LMBR1L: variants seen among roughly 807,000 people sequenced by gnomAD.
LMBR1L encodes protein LMBR1L.
Under a neutral mutation model 67.3 loss-of-function variants are expected in LMBR1L, and 47 were observed. The ratio of observed to expected loss-of-function variants is 0.70; its 90% CI spans 0.55 to 0.89. The LOEUF (loss-of-function observed/expected upper bound fraction) is 0.89, where lower values mean the gene tolerates loss of function less well. Ranked by LOEUF, LMBR1L falls within the 40% of genes least tolerant of loss-of-function variation. The pLI is 0.00. For missense variants in LMBR1L, 533 were observed against 599.2 expected, an observed-to-expected ratio of 0.89 and a Z score of 1.15; for synonymous variants, 247 against 250.3, an observed-to-expected ratio of 0.99 and a Z score of 0.13.
chr12:49,106,916 C>A, intron 2 of LMBR1L, 45 bp downstream of exon 2: 2 of 1,438,126 alleles, frequency 1.4e-6, no homozygotes, highest in South Asian at 2.3e-5. Flanking sequence ...TGAGGCTGGT[C>A]CATGGCAACA....
At position 49,103,817 on chromosome 12, in the gene LMBR1L, C is replaced by A. The variant is rs780473852; in HGVS notation, c.436-4G>T. On this transcript the variant is annotated splice_polypyrimidine_tract_variant and splice_region_variant and intron_variant, in intron 5 of 16. Transcript: ENST00000267102. ...CATAGACCCGGCCCAGGACACCCTA[C>A]GGGAGGAGGCAACCAGTGAAGAAGG... The A allele has an allele frequency of 1.9e-6, 3 of 1,606,068 alleles. No homozygotes were observed. Among genetic ancestry groups the A allele is most frequent in the East Asian group, 2.2e-5 (1 of 44,754 alleles).
At position 49,109,905 on chromosome 12, in the gene LMBR1L, C is replaced by A. The variant is rs11168861; in HGVS notation, c.72+579G>T. 1.1e-3 allele frequency: 454 copies of A among 403,184 alleles called. 1 individual carries two copies. The highest frequency in any genetic ancestry group is 8.5e-3 in the African/African-American group (410 of 48,006). 25.0% of individuals were successfully genotyped at this position (403,184 alleles called of 1,614,324 possible). A position where few individuals can be genotyped will look rare whatever the true frequency, so the allele number is the denominator to read the frequency against. ...GCCTTGCAGGGTTTCAAACAAACAC[C>A]AATGAGAAAGAAAAAAGACGGGGGA... On this transcript the variant is annotated intron_variant, in intron 1 of 16. Coordinates refer to ENST00000267102, the MANE Select transcript of LMBR1L (RefSeq NM_018113.4).
chr12:49,102,404 T>TC, intron 9 of LMBR1L, 28 bp from the exon 10 acceptor site: 1 of 1,613,862 alleles, frequency 6.2e-7, no homozygotes, highest in Non-Finnish European at 8.5e-7. Flanking sequence ...GGTGTTGCTC[T>TC]CAAGTCCTGC....
chr12:49,100,793 T>C, intron 13 of LMBR1L, 147 bp from the exon 14 acceptor site: 1 of 657,310 alleles, frequency 1.5e-6, no homozygotes, highest in Non-Finnish European at 2.6e-6. Context: ...AGTGGTGCGA[T>C]TTCAGCTCAC....
intron 5 of LMBR1L, chr12:49,104,120 A>G: frequency 2.1e-6 from 1 of 477,726 alleles, no homozygotes; most frequent in East Asian, 3.6e-5. Flanking sequence ...ATCCAACAGG[A>G]GAATGGAAGG....
intron 2 of LMBR1L, 131 bp downstream of exon 2, chr12:49,106,830 T>G: frequency 1.1e-6 from 1 of 899,736 alleles, no homozygotes. Context: ...AAAGGGAGGC[T>G]GAAGAGGCAA....
chr12:49,110,281 C>T, intron 1 of LMBR1L: 3 of 605,424 alleles, frequency 5.0e-6, no homozygotes, highest in Non-Finnish European at 8.8e-6. Flanking sequence ...AAACGACGGC[C>T]TTTGTTTATC....
At chr12:49,105,448 C>T (rs531927106) in intron 3 of LMBR1L, among the ~76,000 whole-genome samples, 1 of 152,282 alleles carries the variant, frequency 6.6e-6, no homozygotes, top group African/African-American at 2.4e-5. Flanking sequence ...GGAGGGCTGC[C>T]TTCTGATCTA....
At chr12:49,099,619 T>G (rs373200723) in intron 15 of LMBR1L, among the ~76,000 whole-genome samples, 1 of 151,770 alleles carries the variant, frequency 6.6e-6, no homozygotes, top group Non-Finnish European at 1.5e-5. Flanking sequence ...TTCGCTCTTG[T>G]TGCCCAGGCT....
At chr12:49,105,035 T>C (rs1940723683) in intron 3 of LMBR1L, 150 bp from the exon 4 acceptor site, 1 of 828,102 alleles carries the variant, frequency 1.2e-6, no homozygotes. Context: ...GCTGGGGTTC[T>C]ACCCACTGCC....
rs1940395491 is a variant in LMBR1L at position 49,102,927 on chromosome 12, C to A, written c.656G>T (p.Arg219Leu). Residue 219 changes from arginine to leucine, a missense_variant, in exon 8 of 17, where the codon CGC becomes CTC. Coordinates refer to ENST00000267102, the MANE Select transcript of LMBR1L (RefSeq NM_018113.4). ...CAGCTTCCCAGTGACGGAGAACATGCGGGCGAGACCCAGTGGAGTACACAC... is the reference window on the plus strand; with the variant it reads ...CAGCTTCCCAGTGACGGAGAACATGAGGGCGAGACCCAGTGGAGTACACAC... ...LLVCTPLGLARMFSVTGKLLV... is the reference protein window; with the variant it reads ...LLVCTPLGLALMFSVTGKLLV... 3 of 1,613,976 alleles carry A rather than the reference C, an allele frequency of 1.9e-6. No homozygotes were observed. The highest frequency in any genetic ancestry group is 8.5e-7 in the Non-Finnish European group (1 of 1,179,996).
intron 3 of LMBR1L, chr12:49,105,198 GGTA>G (rs1940740527): frequency 3.0e-6 from 1 of 331,096 alleles, no homozygotes; most frequent in African/African-American, 2.1e-5. Flanking sequence ...AGTTATGCCA[GGTA>G]TGATGCCAAA....
At chr12:49,106,728 C>A in intron 2 of LMBR1L, 1 of 909,226 alleles carries the variant, frequency 1.1e-6, no homozygotes, top group Non-Finnish European at 1.7e-6. Flanking sequence ...CATTGTTACG[C>A]CCATTTTGTA....
Position 49,098,074 on chromosome 12 carries a change from A to G in LMBR1L, c.1272T>C (p.Phe424=), listed in dbSNP as rs202145301. 1.3e-5 allele frequency: 21 copies of G among 1,614,120 alleles called. No homozygotes were observed. In the East Asian group the frequency reaches 1.6e-4, roughly 12 times the overall value. The change falls in exon 16 of 17, where the codon TTT becomes TTC. Residue 424 remains phenylalanine, a synonymous_variant. Transcript: ENST00000267102. ...GLTRFDLLGD[F]GRFNWLGNFY... Reference sequence around the variant, plus strand: ...AATTGCCCAGCCAGTTGAAGCGTCCAAAGTCACCCAGCAGGTCAAAGCGAG... The same window carrying G: ...AATTGCCCAGCCAGTTGAAGCGTCCGAAGTCACCCAGCAGGTCAAAGCGAG...
At chr12:49,101,799 C>A in intron 11 of LMBR1L, 2 of 580,616 alleles carry the variant, frequency 3.4e-6, no homozygotes, top group Non-Finnish European at 6.1e-6. Flanking sequence ...CTTCCTTCAA[C>A]TGATGAGATC....
Position 49,104,709 on chromosome 12 carries a change from C to T in LMBR1L, c.331+37G>A, listed in dbSNP as rs745478352. 3.1e-6 allele frequency: 5 copies of T among 1,611,420 alleles called. No homozygotes were observed. The African/African-American group carries it at 4.0e-5, about 13-fold the overall frequency. On this transcript the variant is annotated intron_variant, in intron 4 of 16. Transcript: ENST00000267102. ...CCCAACTCTATCTGCTCTCTGCTCCCTATCCCTACCCCAAGCAGCTTCCAG... is the reference window on the plus strand; with the variant it reads ...CCCAACTCTATCTGCTCTCTGCTCCTTATCCCTACCCCAAGCAGCTTCCAG...
chr12:49,110,738 A>C lies in LMBR1L; in HGVS notation c.-183T>G. On this transcript the variant is annotated 5_prime_UTR_variant, in exon 1 of 17. Coordinates refer to ENST00000267102, the MANE Select transcript of LMBR1L (RefSeq NM_018113.4). ...CCGGACGCCCCGCCCTTAAAGGGGC[A>C]GGCACCACCCGCCTCGTTTTAAAGG... 3 of 606,180 alleles carry C rather than the reference A, an allele frequency of 4.9e-6. No homozygotes were observed. The highest frequency in any genetic ancestry group is 8.9e-6 in the Non-Finnish European group (3 of 338,192). The allele number at this position is 606,180 out of a possible 1,614,324, so 37.6% of individuals were successfully genotyped here.
chr12:49,101,204 G>A (rs1447114477), intron 13 of LMBR1L, 46 bp downstream of exon 13: 1 of 1,613,878 alleles, frequency 6.2e-7, no homozygotes, highest in Non-Finnish European at 8.5e-7. Context: ...AGTCCCAGGA[G>A]ACAGGTTTGC....
intron 1 of LMBR1L, among the ~76,000 whole-genome samples, chr12:49,108,721 G>C (rs1440201812): frequency 2.6e-5 from 4 of 152,282 alleles, no homozygotes; most frequent in South Asian, 4.2e-4. Flanking sequence ...GCGACAGAGT[G>C]AGACTAGGTC....
Sources: allele counts gnomAD v4.1 joint callset (sites outside exome capture counted in the v4.1 genomes callset), GRCh38; gene constraint gnomAD v4.1.1; transcripts MANE v1.5; gene names NCBI Gene and HGNC (gene_info 2026-07-23, HGNC 2026-07-21).